CPED1: variants seen among roughly 807,000 people sequenced by gnomAD.
CPED1 encodes cadherin-like and PC-esterase domain-containing protein 1.
A neutral mutation model predicts 128.2 loss-of-function variants in CPED1; 114 were observed. The ratio of observed to expected loss-of-function variants is 0.89; its 90% CI spans 0.76 to 1.04. CPED1 has a LOEUF of 1.04. CPED1 is among the 50% of genes least tolerant of loss of function. The pLI, the probability that CPED1 is intolerant of heterozygous loss-of-function variation, is 0.00. For synonymous variants in CPED1, 462 were observed against 426.7 expected (o/e 1.08, Z -1.02); for missense variants, 1,211 against 1,207.1 (o/e 1.00, Z -0.05).
intron 17 of CPED1, among the ~76,000 whole-genome samples, chr7:121,240,510 C>T (rs977025618): frequency 6.6e-5 from 10 of 152,084 alleles, no homozygotes; most frequent in African/African-American, 1.9e-4. Flanking sequence ...CACAGGAGCT[C>T]GCTAAGTAAA....
intron 4 of CPED1, among the ~76,000 whole-genome samples, chr7:121,049,480 G>A (rs1002129999): frequency 6.6e-6 from 1 of 152,208 alleles, no homozygotes; most frequent in African/African-American, 2.4e-5. Flanking sequence ...ATTGGTCCGA[G>A]CTAACTGCTG....
At chr7:121,052,962 G>A (rs923596279) in intron 4 of CPED1, among the ~76,000 whole-genome samples, 45 of 151,904 alleles carry the variant, frequency 3.0e-4, no homozygotes, top group African/African-American at 1.0e-3. Context: ...CAAGTGATCC[G>A]CCCACCTTGA....
At chr7:121,018,124 A>G (rs912369181) in intron 3 of CPED1, among the ~76,000 whole-genome samples, 5 of 152,150 alleles carry the variant, frequency 3.3e-5, no homozygotes, top group Admixed American at 2.6e-4. Context: ...AACAATATGC[A>G]TCAAATACCT....
intron 16 of CPED1, among the ~76,000 whole-genome samples, chr7:121,218,906 C>T (rs1240957000): frequency 6.6e-6 from 1 of 152,014 alleles, no homozygotes; most frequent in Non-Finnish European, 1.5e-5. Context: ...AGCCTATTAC[C>T]TATTTCCAAT....
chr7:121,108,713 A>G (rs1351212711), intron 7 of CPED1, among the ~76,000 whole-genome samples: 3 of 152,092 alleles, frequency 2.0e-5, no homozygotes, highest in East Asian at 3.8e-4. Context: ...TTTATGGAAT[A>G]TGGAATACTG....
At chr7:121,071,135 A>G (rs904968172) in intron 5 of CPED1, among the ~76,000 whole-genome samples, 1 of 152,206 alleles carries the variant, frequency 6.6e-6, no homozygotes, top group African/African-American at 2.4e-5. Flanking sequence ...TTTGGTCTCC[A>G]AGAAGAGAAG....
In CPED1 at chr7:121,250,644, C is replaced by T. The variant is rs529291618; in HGVS notation, c.2310+6306C>T. On this transcript the variant is annotated intron_variant, in intron 18 of 22. Coordinates refer to ENST00000310396, the MANE Select transcript of CPED1 (RefSeq NM_024913.5). ...AAAATGACAAACGGGATATCACCAT[C>T]GATCCCACAGAAATACAAACTACCA... Among the ~76,000 whole-genome samples, 14 of 152,220 alleles carry T rather than the reference C, an allele frequency of 9.2e-5. No homozygotes were observed. The South Asian group carries it at 2.5e-3, about 27-fold the overall frequency.
At chr7:121,207,794 C>A (rs926452009) in intron 16 of CPED1, among the ~76,000 whole-genome samples, 1 of 151,990 alleles carries the variant, frequency 6.6e-6, no homozygotes, top group Non-Finnish European at 1.5e-5. Context: ...AAAGAGAACA[C>A]AAATTCCTTT....
intron 16 of CPED1, among the ~76,000 whole-genome samples, chr7:121,228,707 A>C (rs1798074063): frequency 6.6e-6 from 1 of 152,082 alleles, no homozygotes; most frequent in Non-Finnish European, 1.5e-5. Context: ...ATGTTGCAGC[A>C]CTATTCACAA....
intron 4 of CPED1, among the ~76,000 whole-genome samples, chr7:121,059,876 C>G (rs2908570): frequency 0.82 from 124,242 of 152,214 alleles, 50,814 homozygotes; most frequent in Admixed American, 0.87. Context: ...GGCCGCACTT[C>G]AGGAGCCCTT....
At chr7:121,053,172 G>A (rs1047761023) in intron 4 of CPED1, among the ~76,000 whole-genome samples, 3 of 152,112 alleles carry the variant, frequency 2.0e-5, no homozygotes, top group East Asian at 1.9e-4. Flanking sequence ...ATATGGATAC[G>A]AACGGTTAAC....
chr7:121,240,099 G>A (rs537055474), intron 17 of CPED1, among the ~76,000 whole-genome samples: 1 of 152,164 alleles, frequency 6.6e-6, no homozygotes, highest in South Asian at 2.1e-4. Context: ...CAGAGTTATG[G>A]CTGTATAAAT....
intron 18 of CPED1, among the ~76,000 whole-genome samples, chr7:121,249,285 C>T (rs1267706959): frequency 6.6e-6 from 1 of 152,142 alleles, no homozygotes; most frequent in East Asian, 1.9e-4. Flanking sequence ...TCCCTAATCT[C>T]ATGAAAGAGG....
intron 2 of CPED1, among the ~76,000 whole-genome samples, chr7:120,997,462 T>C (rs567385285): frequency 6.6e-6 from 1 of 152,338 alleles, no homozygotes; most frequent in African/African-American, 2.4e-5. Context: ...ATTGGTATTA[T>C]GGGTTAAATT....
chr7:121,266,534 C>T (rs1792128141), intron 19 of CPED1, 87 bp downstream of exon 19: 2 of 1,255,430 alleles, frequency 1.6e-6, no homozygotes, highest in African/African-American at 1.5e-5. Flanking sequence ...ACTCACTGTA[C>T]ATCAAATGTG....
intron 18 of CPED1, 80 bp downstream of exon 18, chr7:121,244,418 A>G: frequency 6.9e-7 from 1 of 1,455,200 alleles, no homozygotes. Flanking sequence ...TATCTACTAG[A>G]CCAATTCCTG....
At chr7:121,260,179 A>G (rs1791978561) in intron 18 of CPED1, among the ~76,000 whole-genome samples, 1 of 147,866 alleles carries the variant, frequency 6.8e-6, no homozygotes, top group African/African-American at 2.5e-5. Context: ...CCAAGCAGCT[A>G]GAAGAGCTAT....
chr7:121,293,138 G>A (rs965083120), intron 22 of CPED1, among the ~76,000 whole-genome samples: 8 of 152,142 alleles, frequency 5.3e-5, no homozygotes, highest in African/African-American at 1.9e-4. Context: ...CTTCCCCCAG[G>A]TGCTCTGTCC....
chr7:121,100,857 T>C (rs1267283298), intron 7 of CPED1, among the ~76,000 whole-genome samples: 1 of 152,168 alleles, frequency 6.6e-6, no homozygotes. Context: ...AAACTGAATT[T>C]TGAATTTTGG....
Sources: gnomAD v4.1 joint callset for allele counts (sites outside exome capture counted in the v4.1 genomes callset) on GRCh38, gnomAD v4.1.1 for gene constraint, MANE v1.5 for transcripts, NCBI Gene and HGNC (gene_info 2026-07-23, HGNC 2026-07-21) for gene names.